The following C11orf65 variants were observed in gnomAD, a reference collection of about 807,000 sequenced individuals.
C11orf65 encodes chromosome 11 open reading frame 65.
In C11orf65, 38 loss-of-function variants were observed where a neutral mutation model predicts 35.3. That is an observed-to-expected ratio of 1.08 (90% confidence interval 0.83 to 1.41). The LOEUF (loss-of-function observed/expected upper bound fraction) is 1.41, where lower values mean the gene tolerates loss of function less well. Ranked by LOEUF, C11orf65 falls within the 40% of genes most tolerant of loss-of-function variation. The probability of loss-of-function intolerance (pLI) is 0.00; values close to 1 mark genes in which losing one functional copy is unlikely to be tolerated. For missense variants in C11orf65, 370 were observed against 367.1 expected (o/e 1.01, Z -0.06); for synonymous variants, 105 against 114.4 (o/e 0.92, Z 0.53).
chr11:108,429,729 G>A (rs767676615), intron 3 of C11orf65, among the ~76,000 whole-genome samples: 50 of 152,126 alleles, frequency 3.3e-4, no homozygotes, highest in Admixed American at 1.1e-3. Context: ...GCTAAAACAT[G>A]GAAGCAACCC....
Position 108,343,326 on chromosome 11 carries a change from C to T in C11orf65, c.227-8034G>A, listed in dbSNP as rs1060504292. 1 of 1,613,982 alleles carries T rather than the reference C, an allele frequency of 6.2e-7. No individual in the cohort carries two copies. ...ATGAAGATGGTGCTCATAAAAGATA[C>T]AGGCCAAATGATTTCAGTGCCTTTC... On this transcript the variant is annotated intron_variant, in intron 2 of 3. Transcript: ENST00000524755.
chr11:108,452,091 A>G (rs1476959287), intron 2 of C11orf65, among the ~76,000 whole-genome samples: 1 of 151,842 alleles, frequency 6.6e-6, no homozygotes, highest in Non-Finnish European at 1.5e-5. Flanking sequence ...GGACATAGGC[A>G]TGGGCAAGGA....
At chr11:108,323,725 T>TA (rs2085398663) in intron 6 of C11orf65, among the ~76,000 whole-genome samples, 1 of 152,170 alleles carries the variant, frequency 6.6e-6, no homozygotes, top group African/African-American at 2.4e-5. Context: ...AAGAAACACC[T>TA]AAAGAATAAT....
intron 2 of C11orf65, among the ~76,000 whole-genome samples, chr11:108,357,398 A>T (rs1336325944): frequency 2.0e-5 from 3 of 152,258 alleles, no homozygotes; most frequent in African/African-American, 7.2e-5. Flanking sequence ...AGGCTTGATT[A>T]GGTAAACAAA....
In C11orf65 at chr11:108,394,179, C is replaced by CAAAAAAA. The variant is rs11387098; in HGVS notation, c.561-808_561-802dup. Among the ~76,000 whole-genome samples, 7 of 82,642 alleles carry CAAAAAAA rather than the reference C, an allele frequency of 8.5e-5. 1 individual carries two copies. Among genetic ancestry groups the CAAAAAAA allele is most frequent in the Non-Finnish European group, 1.3e-4 (6 of 46,736 alleles). 54.2% of individuals were successfully genotyped at this position (82,642 alleles called of 152,430 possible). On this transcript the variant is annotated intron_variant, in intron 6 of 8. Transcript: ENST00000393084. ...TGGGCGACAGAGCAAGACTCCATCT[C>CAAAAAAA]AAAAAAAAAAAAAAAAAAAAGACAC...
intron 2 of C11orf65, among the ~76,000 whole-genome samples, chr11:108,436,056 G>C (rs1401222431): frequency 2.0e-5 from 3 of 151,680 alleles, no homozygotes; most frequent in Non-Finnish European, 4.4e-5. Flanking sequence ...GACTTGACAG[G>C]TCATTGCTGG....
rs145187560 is a variant in C11orf65, at chr11:108,311,676, C to T, written c.641-2605G>A. ...TTGTGCCACTGCACTCCAGCCTAGG[C>T]GACAGAGCGAGACCCTATCTCATAA... On this transcript the variant is annotated intron_variant, in intron 6 of 6. Transcript: ENST00000525729. Among the ~76,000 whole-genome samples the T allele has an allele frequency of 2.9e-3, 430 of 150,058 alleles. 3 individuals carry two copies. Among genetic ancestry groups the T allele is most frequent in the African/African-American group, 9.9e-3 (403 of 40,702 alleles).
At chr11:108,450,459 T>C (rs1354289528) in intron 2 of C11orf65, among the ~76,000 whole-genome samples, 3 of 150,994 alleles carry the variant, frequency 2.0e-5, no homozygotes, top group Non-Finnish European at 4.4e-5. Context: ...AAATGATGAG[T>C]TCATGACCTT....
intron 2 of C11orf65, chr11:108,335,417 G>T: frequency 1.6e-6 from 1 of 645,048 alleles, no homozygotes; most frequent in Non-Finnish European, 2.4e-6. Context: ...TTATTTCCTT[G>T]AATAGTGCAA....
At chr11:108,337,663 A>G (rs2087000425) in intron 2 of C11orf65, among the ~76,000 whole-genome samples, 1 of 152,090 alleles carries the variant, frequency 6.6e-6, no homozygotes, top group African/African-American at 2.4e-5. Flanking sequence ...TTCATTTTAG[A>G]ACAAAGTTGA....
At chr11:108,343,413 A>G (rs2136957865) in intron 2 of C11orf65, 1 of 1,609,298 alleles carries the variant, frequency 6.2e-7, no homozygotes, top group East Asian at 2.2e-5. Flanking sequence ...AAGATTATTT[A>G]ATGGCTTATT....
intron 3 of C11orf65, among the ~76,000 whole-genome samples, chr11:108,410,469 T>C (rs2092634216): frequency 6.6e-6 from 1 of 152,160 alleles, no homozygotes; most frequent in African/African-American, 2.4e-5. Flanking sequence ...TCCTTCTACC[T>C]AACCATTCCA....
rs147736896 is a variant in C11orf65, at chr11:108,429,907, G to C, written c.174+1839C>G. On this transcript the variant is annotated intron_variant, in intron 3 of 8. Transcript: ENST00000393084. ...AGCCAATCACAAAAAGGCAAGTACT[G>C]TATAATTCCACTCCTATGAGGTAAT... Among the ~76,000 whole-genome samples the C allele has an allele frequency of 7.9e-5, 12 of 152,264 alleles. No homozygotes were observed. In the East Asian group the frequency reaches 1.9e-3, roughly 24 times the overall value.
chr11:108,420,970 T>C (rs2092807537), intron 3 of C11orf65, among the ~76,000 whole-genome samples: 1 of 152,152 alleles, frequency 6.6e-6, no homozygotes, highest in Non-Finnish European at 1.5e-5. Context: ...CCACACAACA[T>C]AAATTAACCA....
chr11:108,400,342 G>A (rs1466488557), intron 6 of C11orf65, among the ~76,000 whole-genome samples: 1 of 152,060 alleles, frequency 6.6e-6, no homozygotes, highest in African/African-American at 2.4e-5. Flanking sequence ...CCTCCTTTTA[G>A]TGTGCATTTA....
upstream of C11orf65, among the ~76,000 whole-genome samples, chr11:108,468,227 A>C (rs1565740777): frequency 6.6e-6 from 1 of 152,244 alleles, no homozygotes; most frequent in Non-Finnish European, 1.5e-5. Context: ...TCAAGGTCAA[A>C]GAATACGTGA....
intron 2 of C11orf65, among the ~76,000 whole-genome samples, chr11:108,451,895 A>G (rs1300911172): frequency 6.6e-6 from 1 of 152,216 alleles, no homozygotes; most frequent in African/African-American, 2.4e-5. Flanking sequence ...GAGAAAAACA[A>G]GCAATGGGGA....
intron 2 of C11orf65, among the ~76,000 whole-genome samples, chr11:108,339,124 T>C (rs2087191600): frequency 6.6e-6 from 1 of 152,226 alleles, no homozygotes; most frequent in African/African-American, 2.4e-5. Flanking sequence ...ATTGTGTATG[T>C]TGATAGCTCA....
downstream of C11orf65, among the ~76,000 whole-genome samples, chr11:108,377,944 AAGG>A (rs1458510132): frequency 1.3e-5 from 2 of 151,720 alleles, no homozygotes; most frequent in African/African-American, 4.8e-5. Context: ...GGACCTCTTC[AAGG>A]AGAACTACAA....
Sources: allele counts gnomAD v4.1 joint callset (sites outside exome capture counted in the v4.1 genomes callset), GRCh38; gene constraint gnomAD v4.1.1; transcripts MANE v1.5; gene names NCBI Gene and HGNC (gene_info 2026-07-23, HGNC 2026-07-21).